CTNNA3: variants seen among roughly 807,000 people sequenced by gnomAD.
CTNNA3 encodes the protein catenin alpha 3, also known as catenin alpha-3.
In CTNNA3, 76 loss-of-function variants were observed where a neutral mutation model predicts 95.7. The ratio of observed to expected loss-of-function variants is 0.79; its 90% CI spans 0.66 to 0.96. CTNNA3 has a LOEUF of 0.96. Ranked by LOEUF, CTNNA3 falls within the 40% of genes least tolerant of loss-of-function variation. The pLI, the probability that CTNNA3 is intolerant of heterozygous loss-of-function variation, is 0.00. For synonymous variants in CTNNA3, 431 were observed against 374.4 expected, an observed-to-expected ratio of 1.15 and a Z score of -1.74; for missense variants, 1,191 against 1,089.8, an observed-to-expected ratio of 1.09 and a Z score of -1.31.
chr10:66,562,573 G>C (rs900228019), intron 10 of CTNNA3, among the ~76,000 whole-genome samples: 1 of 151,948 alleles, frequency 6.6e-6, no homozygotes, highest in African/African-American at 2.4e-5. Context: ...TACTATCCTC[G>C]ATTACTCAAT....
intron 5 of CTNNA3, among the ~76,000 whole-genome samples, chr10:67,393,334 C>G (rs74144410): frequency 0.029 from 4,423 of 152,246 alleles, 212 homozygotes; most frequent in African/African-American, 0.1. Flanking sequence ...ATTAACTAAT[C>G]TTGCCATGAT....
chr10:67,549,583 G>T (rs1840955070), intron 3 of CTNNA3, among the ~76,000 whole-genome samples: 1 of 152,120 alleles, frequency 6.6e-6, no homozygotes, highest in African/African-American at 2.4e-5. Flanking sequence ...AAATATTTTT[G>T]AAATTCCTTG....
chr10:66,354,334 C>G (rs1425570184), intron 12 of CTNNA3, among the ~76,000 whole-genome samples: 1 of 150,874 alleles, frequency 6.6e-6, no homozygotes, highest in East Asian at 1.9e-4. Context: ...AATAAGAGTC[C>G]CTTGTTAGTC....
chr10:66,516,994 G>A (rs561361052), intron 11 of CTNNA3, among the ~76,000 whole-genome samples: 10 of 152,146 alleles, frequency 6.6e-5, no homozygotes, highest in African/African-American at 1.4e-4. Flanking sequence ...AGGTCAAGGC[G>A]GGTGGATCAC....
intron 16 of CTNNA3, among the ~76,000 whole-genome samples, chr10:65,977,714 G>T (rs534678660): frequency 3.3e-5 from 5 of 151,966 alleles, no homozygotes; most frequent in Non-Finnish European, 7.4e-5. Context: ...CCTGGGAGGC[G>T]GAGGTGCAGT....
rs1372617404 is a variant in CTNNA3, at chr10:67,482,394, T to C, written c.579+39448A>G. Among the ~76,000 whole-genome samples, 7 of 152,274 alleles carry C rather than the reference T, an allele frequency of 4.6e-5. No homozygotes were observed. The South Asian group carries it at 1.2e-3, about 27-fold the overall frequency. ...TCCTACCCATGAGCATGGAATGTTCTTCCATTTGTTTGTATCCTCTTTTAT... is the reference window on the plus strand; with the variant it reads ...TCCTACCCATGAGCATGGAATGTTCCTCCATTTGTTTGTATCCTCTTTTAT... On this transcript the variant is annotated intron_variant, in intron 5 of 17. Transcript: ENST00000433211.
At position 66,475,739 on chromosome 10, in the gene CTNNA3, A is replaced by C. The variant is rs570703702; in HGVS notation, c.1531+44878T>G. On this transcript the variant is annotated intron_variant, in intron 11 of 17. Transcript: ENST00000433211. ...AAGATGCTGGCGAGGCTATGGAAAG[A>C]TAGTAATGCTTTTACACAGTTGATG... is the stretch of plus-strand genomic sequence containing the variant. Among the ~76,000 whole-genome samples, 15 of 152,272 alleles carry C rather than the reference A, an allele frequency of 9.9e-5. No homozygotes were observed. The South Asian group carries it at 3.1e-3, about 32-fold the overall frequency.
chr10:67,418,477 C>G (rs1202097635), intron 5 of CTNNA3, among the ~76,000 whole-genome samples: 1 of 146,442 alleles, frequency 6.8e-6, no homozygotes, highest in East Asian at 2.0e-4. Context: ...GATAAAGAAA[C>G]AGGGGTATAC....
intron 7 of CTNNA3, among the ~76,000 whole-genome samples, chr10:66,809,465 G>C (rs7350441): frequency 6.6e-6 from 1 of 152,056 alleles, no homozygotes; most frequent in Admixed American, 6.6e-5. Flanking sequence ...ATTTTTCTTG[G>C]ATCTGGGATC....
intron 9 of CTNNA3, among the ~76,000 whole-genome samples, chr10:66,654,903 G>A (rs1846025235): frequency 6.6e-6 from 1 of 152,038 alleles, no homozygotes; most frequent in Non-Finnish European, 1.5e-5. Context: ...TGAAATCATA[G>A]AAGCAAAGAG....
chr10:66,182,720 A>G (rs949828564), intron 13 of CTNNA3, among the ~76,000 whole-genome samples: 1 of 140,842 alleles, frequency 7.1e-6, no homozygotes, highest in African/African-American at 2.7e-5. Context: ...TCTTAATGCC[A>G]AAAAAAGATG....
intron 9 of CTNNA3, among the ~76,000 whole-genome samples, chr10:66,691,555 C>G (rs1027065669): frequency 6.6e-6 from 1 of 152,196 alleles, no homozygotes; most frequent in Admixed American, 6.5e-5. Flanking sequence ...AAAGAGACAG[C>G]AGTAACCTCT....
At chr10:66,360,847 T>G (rs1234492306) in intron 12 of CTNNA3, among the ~76,000 whole-genome samples, 3 of 141,658 alleles carry the variant, frequency 2.1e-5, no homozygotes, top group Non-Finnish European at 4.6e-5. Context: ...CTTTCTTTCT[T>G]TCTTTCTTTC....
intron 3 of CTNNA3, among the ~76,000 whole-genome samples, chr10:67,598,101 G>A (rs560446728): frequency 6.6e-6 from 1 of 152,176 alleles, no homozygotes; most frequent in South Asian, 2.1e-4. Flanking sequence ...GTTCTGTCTA[G>A]ATCTGACAGT....
chr10:66,169,718 G>C (rs2085317636), intron 13 of CTNNA3, among the ~76,000 whole-genome samples: 4 of 152,050 alleles, frequency 2.6e-5, no homozygotes, highest in Admixed American at 2.6e-4. Flanking sequence ...GGCCATTCTT[G>C]CAGGAGTAAG....
At chr10:66,119,780 C>T (rs1156274651) in intron 13 of CTNNA3, among the ~76,000 whole-genome samples, 1 of 151,910 alleles carries the variant, frequency 6.6e-6, no homozygotes, top group African/African-American at 2.4e-5. Context: ...ATTAATATGC[C>T]AGATACTGTG....
rs1218515753 is a variant in CTNNA3 at position 67,219,718 on chromosome 10, T to C, written c.732A>G (p.Glu244=). The C allele has an allele frequency of 6.2e-7, 1 of 1,614,008 alleles. No individual in the cohort carries two copies. The highest frequency in any genetic ancestry group is 1.3e-5 in the African/African-American group (1 of 74,906). Reference sequence around the variant, plus strand: ...AAATTACATTGAGAGCATTCTGAATTTCTTCACAAACTGTGTCCTTGCTTG... The same window carrying C: ...AAATTACATTGAGAGCATTCTGAATCTCTTCACAAACTGTGTCCTTGCTTG... The part of the protein sequence containing the change: ...LKASKDTVCE[E]IQNALNVISN... The change falls in exon 6 of 18, where the codon GAA becomes GAG. Residue 244 remains glutamate (E), a synonymous_variant. Transcript: ENST00000433211.
At chr10:66,466,536 C>T (rs1233846399) in intron 11 of CTNNA3, among the ~76,000 whole-genome samples, 2 of 151,996 alleles carry the variant, frequency 1.3e-5, no homozygotes, top group Admixed American at 1.3e-4. Flanking sequence ...ACCATTTCCC[C>T]CCTCACTCAT....
At chr10:66,020,435 G>T (rs1418453300) in intron 15 of CTNNA3, among the ~76,000 whole-genome samples, 1 of 152,170 alleles carries the variant, frequency 6.6e-6, no homozygotes, top group African/African-American at 2.4e-5. Flanking sequence ...GACCTGGAAA[G>T]CCTGCAAGGC....
Sources: allele counts gnomAD v4.1 joint callset (sites outside exome capture counted in the v4.1 genomes callset), GRCh38; gene constraint gnomAD v4.1.1; transcripts MANE v1.5; gene names NCBI Gene and HGNC (gene_info 2026-07-23, HGNC 2026-07-21).